Variants in SFXN2 observed in about 807,000 individuals in gnomAD.
SFXN2 encodes the protein sideroflexin-2.
Under a neutral mutation model 41.9 loss-of-function variants are expected in SFXN2, and 37 were observed. That is an observed-to-expected ratio of 0.88 (90% CI 0.68 to 1.16). The LOEUF (loss-of-function observed/expected upper bound fraction) is 1.16. Among genes scored for constraint, SFXN2 ranks in the 50% most tolerant of loss-of-function variants. The probability of loss-of-function intolerance (pLI) is 0.00; values close to 1 mark genes in which losing one functional copy is unlikely to be tolerated. For synonymous variants in SFXN2, 150 were observed against 156.7 expected (o/e 0.96, Z 0.32); for missense variants, 386 against 425.2 (o/e 0.91, Z 0.81).
At position 102,729,785 on chromosome 10, in the gene SFXN2, C is replaced by A; in HGVS notation, c.570C>A (p.Val190=). 6.2e-7 allele frequency: 1 copy of A among 1,614,102 alleles called. No individual in the cohort carries two copies. The highest frequency in any genetic ancestry group is 1.1e-5 in the South Asian group (1 of 91,078). The stretch of plus-strand genomic sequence containing the variant: ...CCGCTGTGGCTGCGGCTAACTGTGT[C>A]AATATCCCCATGATGCGACAGCAGT... ...PFAAVAAANC[V]NIPMMRQQEL... The change falls in exon 6 of 12, where the codon GTC becomes GTA. Residue 190 remains valine, a synonymous_variant. Transcript: ENST00000369893.
intron 5 of SFXN2, 107 bp downstream of exon 5, chr10:102,729,501 T>C: frequency 7.3e-7 from 1 of 1,360,698 alleles, no homozygotes; most frequent in Admixed American, 2.1e-5. Flanking sequence ...GAGTTGGGAA[T>C]GGCCAGAGCC....
intron 11 of SFXN2, among the ~76,000 whole-genome samples, chr10:102,736,623 G>C (rs868083263): frequency 6.6e-6 from 1 of 151,786 alleles, no homozygotes; most frequent in Non-Finnish European, 1.5e-5. Flanking sequence ...CACCATGTTG[G>C]CCAGGATGGT....
At position 102,740,370 on chromosome 10, in the gene SFXN2, T is replaced by C. The variant is rs1243546218; in HGVS notation, c.*2608T>C. The C allele has an allele frequency of 6.6e-6, 1 of 152,078 alleles. No homozygotes were observed. Among genetic ancestry groups the C allele is most frequent in the Non-Finnish European group, 1.5e-5 (1 of 68,026 alleles). 9.4% of individuals were successfully genotyped at this position (152,078 alleles called of 1,614,324 possible). On this transcript the variant is annotated 3_prime_UTR_variant, in exon 12 of 12. Transcript: ENST00000369893. ...CAAGTAATCCTCCTGCCTCAGCCTCTGGGGTAGCTGGGACCACAGGCTAAT... is the reference window on the plus strand; with the variant it reads ...CAAGTAATCCTCCTGCCTCAGCCTCCGGGGTAGCTGGGACCACAGGCTAAT...
Position 102,727,075 on chromosome 10 carries a change from G to A in SFXN2, c.250G>A (p.Glu84Lys), listed in dbSNP as rs1199325604. Residue 84 changes from glutamate (E) to lysine (K), a missense_variant, in exon 3 of 12, where the codon GAG becomes AAG. Transcript: ENST00000369893. ...CTCGGCCTTCCACCCCGACACTGGG[G>A]AGAAGATGAATGTCATCGGGCGCAT... ...YDSAFHPDTG[E>K]KMNVIGRMSF... 2 of 1,611,396 alleles carry A rather than the reference G, an allele frequency of 1.2e-6. No homozygotes were observed. Among genetic ancestry groups the A allele is most frequent in the South Asian group, 2.2e-5 (2 of 91,036 alleles).
intron 6 of SFXN2, among the ~76,000 whole-genome samples, chr10:102,730,904 G>A (rs1212062812): frequency 6.6e-6 from 1 of 150,770 alleles, no homozygotes; most frequent in African/African-American, 2.4e-5. Flanking sequence ...TGGCTAACAC[G>A]GTGAAACCCC....
chr10:102,715,591 A>T (rs932299592), intron 1 of SFXN2, among the ~76,000 whole-genome samples: 1 of 152,162 alleles, frequency 6.6e-6, no homozygotes, highest in African/African-American at 2.4e-5. Flanking sequence ...CCCGTATGGA[A>T]ATTACATCCT....
intron 1 of SFXN2, chr10:102,715,387 G>T (rs989477552): frequency 1.3e-5 from 2 of 152,238 alleles, no homozygotes; most frequent in African/African-American, 4.8e-5. Flanking sequence ...ACAGGACCGC[G>T]TACCATCTGT....
chr10:102,717,363 C>T (rs1011862788), intron 1 of SFXN2, among the ~76,000 whole-genome samples: 46 of 152,148 alleles, frequency 3.0e-4, no homozygotes, highest in African/African-American at 8.4e-4. Context: ...GATCTGACCT[C>T]GTGATCCGTC....
In SFXN2 at chr10:102,742,460, CTT is replaced by C. The variant is rs11390629; in HGVS notation, c.*4710_*4711del. ...ACAGGCAGGAGCCACCGCACCTGGC[CTT>C]TTTTTTTTTTTGAGACAGGGTCTCA... On this transcript the variant is annotated 3_prime_UTR_variant, in exon 12 of 12. Transcript: ENST00000369893. 2.1e-4 allele frequency: 29 copies of C among 139,572 alleles called. No homozygotes were observed. The highest frequency in any genetic ancestry group is 3.1e-4 in the Non-Finnish European group (20 of 64,288). The allele number at this position is 139,572 out of a possible 1,614,324, so 8.6% of individuals were successfully genotyped here.
At chr10:102,729,592 C>A in intron 5 of SFXN2, 131 bp from the exon 6 acceptor site, 1 of 1,159,812 alleles carries the variant, frequency 8.6e-7, no homozygotes, top group Non-Finnish European at 1.2e-6. Flanking sequence ...TTTGGGGTTC[C>A]CAGACTGGGT....
chr10:102,723,212 T>G (rs1021448413), intron 1 of SFXN2, among the ~76,000 whole-genome samples: 11 of 151,102 alleles, frequency 7.3e-5, no homozygotes, highest in African/African-American at 2.2e-4. Flanking sequence ...TCCAAAGTGC[T>G]GAGATTACAG....
intron 6 of SFXN2, among the ~76,000 whole-genome samples, chr10:102,730,334 G>A (rs1177005992): frequency 6.6e-6 from 1 of 152,144 alleles, no homozygotes; most frequent in African/African-American, 2.4e-5. Context: ...AGAAATCTCT[G>A]TTATGAGGTT....
intron 1 of SFXN2, among the ~76,000 whole-genome samples, chr10:102,722,701 T>C (rs948854376): frequency 6.6e-6 from 1 of 151,906 alleles, no homozygotes; most frequent in Non-Finnish European, 1.5e-5. Context: ...CAACCACGCC[T>C]GGCTATGTTT....
At chr10:102,722,708 G>GT (rs1217350565) in intron 1 of SFXN2, among the ~76,000 whole-genome samples, 1 of 150,956 alleles carries the variant, frequency 6.6e-6, no homozygotes, top group East Asian at 2.0e-4. Flanking sequence ...GCCTGGCTAT[G>GT]TTTTTTTCTT....
intron 1 of SFXN2, chr10:102,716,237 G>A (rs535343925): frequency 1.3e-5 from 2 of 152,028 alleles, no homozygotes; most frequent in Non-Finnish European, 2.9e-5. Flanking sequence ...TTTCCAGCTT[G>A]CTCTAGGCAG....
chr10:102,720,376 G>A (rs935839968), intron 1 of SFXN2, among the ~76,000 whole-genome samples: 4 of 151,034 alleles, frequency 2.6e-5, no homozygotes, highest in Non-Finnish European at 4.4e-5. Flanking sequence ...TTGGGAGGCT[G>A]AGGCAGGTAG....
rs1482370835 is a variant in SFXN2 at position 102,736,054 on chromosome 10, G to C, written c.869+145G>C. ...CAAGTGTCCATCAGCCTAAAGGCTG[G>C]GCCTCTTAACCCTGGTGAATTCTGA... On this transcript the variant is annotated intron_variant, in intron 11 of 11. Coordinates refer to ENST00000369893, the MANE Select transcript of SFXN2 (RefSeq NM_178858.6). 9 of 817,744 alleles carry C rather than the reference G, an allele frequency of 1.1e-5. No homozygotes were observed. The African/African-American group carries it at 1.5e-4, about 14-fold the overall frequency. 50.7% of individuals were successfully genotyped at this position (817,744 alleles called of 1,614,324 possible).
chr10:102,728,814 CAT>C (rs1332309991), intron 4 of SFXN2, among the ~76,000 whole-genome samples: 1 of 152,020 alleles, frequency 6.6e-6, no homozygotes, highest in Non-Finnish European at 1.5e-5. Flanking sequence ...ATTGTTAAGA[CAT>C]GTGGTTGGGC....
Position 102,734,086 on chromosome 10 carries a change from T to C in SFXN2, c.821+483T>C, listed in dbSNP as rs538509505. On this transcript the variant is annotated intron_variant, in intron 10 of 11. Coordinates refer to ENST00000369893, the MANE Select transcript of SFXN2 (RefSeq NM_178858.6). The surrounding 1 kb of genome is among the most constrained non-coding windows in gnomAD (Gnocchi z 4.1). ...TATTTCATCATGTTGGCCAGGCTGGTCTCGAACTCCTGACCTCAAGTGATC... is the reference window on the plus strand; with the variant it reads ...TATTTCATCATGTTGGCCAGGCTGGCCTCGAACTCCTGACCTCAAGTGATC... Among the ~76,000 whole-genome samples, 8 of 152,210 alleles carry C rather than the reference T, an allele frequency of 5.3e-5. No individual in the cohort carries two copies. In the South Asian group the frequency reaches 1.5e-3, roughly 28 times the overall value.
Sources: allele counts gnomAD v4.1 joint callset (sites outside exome capture counted in the v4.1 genomes callset), GRCh38; gene constraint gnomAD v4.1.1; non-coding constraint Gnocchi (gnomAD v3.1); transcripts MANE v1.5; gene names NCBI Gene and HGNC (gene_info 2026-07-23, HGNC 2026-07-21).